Variants in COL4A1 observed in about 807,000 individuals in gnomAD.
The protein encoded by COL4A1 is collagen alpha-1(IV) chain.
A neutral mutation model predicts 216.6 loss-of-function variants in COL4A1; 40 were observed. The ratio of observed to expected loss-of-function variants is 0.18; its 90% CI spans 0.14 to 0.24. COL4A1 has a LOEUF of 0.24. Ranked by LOEUF, COL4A1 falls within the 10% of genes least tolerant of loss-of-function variation. The pLI is 1.00. For synonymous variants in COL4A1, 839 were observed against 810.7 expected (o/e 1.03, Z -0.59); for missense variants, 1,628 against 2,196.8 (o/e 0.74, Z 5.18).
intron 1 of COL4A1, among the ~76,000 whole-genome samples, chr13:110,247,970 T>C (rs192488925): frequency 1.3e-5 from 2 of 151,760 alleles, no homozygotes; most frequent in African/African-American, 2.4e-5. Context: ...TGATTTTTTT[T>C]CCTGCTTTTG....
intron 26 of COL4A1, among the ~76,000 whole-genome samples, chr13:110,184,277 G>C (rs1485482668): frequency 6.6e-6 from 1 of 152,180 alleles, no homozygotes; most frequent in Non-Finnish European, 1.5e-5. Flanking sequence ...GAGTACTCCA[G>C]TTGGTTTCTC....
intron 1 of COL4A1, among the ~76,000 whole-genome samples, chr13:110,251,110 C>A (rs1422091049): frequency 6.6e-6 from 1 of 152,182 alleles, no homozygotes; most frequent in Non-Finnish European, 1.5e-5. Context: ...CAGACAGGCA[C>A]GAAAAAAGAC....
rs763328010 is a variant in COL4A1 at position 110,188,693 on chromosome 13, C to T, written c.1537-1364G>A. ...ATGAGCGAGTAAAATCTGCCCATTA[C>T]ACAGGGGGAGAGGTGGGGCTTGAAG... On this transcript the variant is annotated intron_variant, in intron 24 of 51. Coordinates refer to ENST00000375820, the MANE Select transcript of COL4A1 (RefSeq NM_001845.6). Among the ~76,000 whole-genome samples the T allele has an allele frequency of 2.0e-5, 3 of 152,316 alleles. No individual in the cohort carries two copies. The South Asian group carries it at 6.2e-4, about 32-fold the overall frequency.
chr13:110,183,213 G>A lies in COL4A1; in HGVS notation c.1961C>T (p.Pro654Leu), dbSNP rs758315813. 25 of 1,613,744 alleles carry A rather than the reference G, an allele frequency of 1.5e-5. No homozygotes were observed. Among genetic ancestry groups the A allele is most frequent in the Admixed American group, 6.7e-5 (4 of 60,008 alleles). ...LPGPPGAEGLPGSPGFPGPQG... is the reference protein window; with the variant it reads ...LPGPPGAEGLLGSPGFPGPQG... ...GGGACCTGGGAAGCCTGGGGACCCCGGCAGTCCTTCTGCTCCAGGGGGGCC... is the reference window on the plus strand; with the variant it reads ...GGGACCTGGGAAGCCTGGGGACCCCAGCAGTCCTTCTGCTCCAGGGGGGCC... Residue 654 changes from proline to leucine, a missense_variant, in exon 27 of 52, where the codon CCG (proline) becomes CTG (leucine). Pro to Leu is a moderately conservative substitution (Grantham distance 98). Transcript: ENST00000375820.
At chr13:110,230,979 C>T (rs1439276249) in intron 2 of COL4A1, among the ~76,000 whole-genome samples, 1 of 152,214 alleles carries the variant, frequency 6.6e-6, no homozygotes, top group African/African-American at 2.4e-5. Context: ...AGGCAGAACC[C>T]AACACCTGCC....
chr13:110,253,775 TTATATA>T (rs1243478241), intron 1 of COL4A1, among the ~76,000 whole-genome samples: 29 of 128,116 alleles, frequency 2.3e-4, no homozygotes, highest in South Asian at 1.2e-3. Context: ...TATGTATGTA[TTATATA>T]TACGTATAAT....
Position 110,169,776 on chromosome 13 carries a change from A to G in COL4A1, c.3743-14T>C. 1.2e-6 allele frequency: 2 copies of G among 1,613,854 alleles called. No homozygotes were observed. Among genetic ancestry groups the G allele is most frequent in the South Asian group, 1.1e-5 (1 of 91,072 alleles). ...GTCCCGGAAGTCCTAATGGAAGAGA[A>G]GAAAGCCACACATTTGGGGTTAAAT... On this transcript the variant is annotated splice_polypyrimidine_tract_variant and intron_variant, in intron 42 of 51. Coordinates refer to ENST00000375820, the MANE Select transcript of COL4A1 (RefSeq NM_001845.6).
chr13:110,293,238 T>C (rs1043637195), intron 1 of COL4A1, among the ~76,000 whole-genome samples: 4 of 152,248 alleles, frequency 2.6e-5, no homozygotes, highest in African/African-American at 7.2e-5. Flanking sequence ...CTGTGGCACC[T>C]AGAGAAGTGT....
chr13:110,232,114 T>A (rs1169864471), intron 2 of COL4A1, among the ~76,000 whole-genome samples: 1 of 152,220 alleles, frequency 6.6e-6, no homozygotes, highest in African/African-American at 2.4e-5. Flanking sequence ...CAGATTCTCA[T>A]GTGAGGAAAT....
intron 1 of COL4A1, among the ~76,000 whole-genome samples, chr13:110,272,648 AAAG>A (rs1883286712): frequency 6.6e-6 from 1 of 152,256 alleles, no homozygotes; most frequent in Non-Finnish European, 1.5e-5. Flanking sequence ...CTACAAATGA[AAAG>A]AAGAAGAAAG....
At chr13:110,241,703 T>C (rs1881576343) in intron 2 of COL4A1, among the ~76,000 whole-genome samples, 1 of 152,216 alleles carries the variant, frequency 6.6e-6, no homozygotes, top group Non-Finnish European at 1.5e-5. Flanking sequence ...TCAGGCATAT[T>C]TTTTAAAATA....
Position 110,174,642 on chromosome 13 carries a change from G to C in COL4A1, c.3306C>G (p.Pro1102=), listed in dbSNP as rs752732736. ...ACCTACCTGGATAGCCAACACTCCC[G>C]GGAGACCCTTTAAGGCCTGGGGACC... is the stretch of plus-strand genomic sequence containing the variant. ...MPGSPGLKGS[P]GSVGYPGSPG... The change falls in exon 38 of 52, where the codon CCC becomes CCG. Residue 1102 remains proline (P), a synonymous_variant. Transcript: ENST00000375820. 2.5e-6 allele frequency: 4 copies of C among 1,613,944 alleles called. No homozygotes were observed. The highest frequency in any genetic ancestry group is 3.4e-6 in the Non-Finnish European group (4 of 1,180,006).
intron 1 of COL4A1, chr13:110,265,978 C>CGTCTGCGGTGTCGTCACTGAGAGTCCT (rs1566429675): frequency 6.6e-6 from 1 of 152,148 alleles, no homozygotes; most frequent in Non-Finnish European, 1.5e-5. Flanking sequence ...CCAGCTCAAC[C>CGTCTGCGGTGTCGTCACTGAGAGTCCT]GTCTGCGGTG....
rs560249126 is a variant in COL4A1, at chr13:110,286,559, C to T, written c.84+20385G>A. 1.2e-3 allele frequency among the ~76,000 whole-genome samples: 190 copies of T among 152,246 alleles called. 2 individuals carry two copies. The highest frequency in any genetic ancestry group is 2.1e-3 in the Non-Finnish European group (144 of 68,022). On this transcript the variant is annotated intron_variant, in intron 1 of 51. Transcript: ENST00000375820. The stretch of plus-strand genomic sequence containing the variant: ...GAAAATGGGGCTGAGGCAGTAAGAC[C>T]ACCAGCTGGGATACAGAGGAGCCGC...
intron 49 of COL4A1, among the ~76,000 whole-genome samples, chr13:110,160,529 CT>C (rs939706527): frequency 3.3e-5 from 5 of 152,140 alleles, no homozygotes; most frequent in African/African-American, 1.2e-4. Flanking sequence ...GAAGCTGTTA[CT>C]TTTTAAAAAG....
At chr13:110,219,682 A>ATATATGTATATATATGTG (rs1555307864) in intron 2 of COL4A1, among the ~76,000 whole-genome samples, 23 of 133,690 alleles carry the variant, frequency 1.7e-4, no homozygotes, top group African/African-American at 6.7e-4. Flanking sequence ...ATATATGTGT[A>ATATATGTATATATATGTG]TATATATGTA....
At position 110,307,002 on chromosome 13, in the gene COL4A1, A is replaced by T; in HGVS notation, c.26T>A (p.Leu9Gln). 5 of 1,476,274 alleles carry T rather than the reference A, an allele frequency of 3.4e-6. No individual in the cohort carries two copies. The highest frequency in any genetic ancestry group is 4.5e-6 in the Non-Finnish European group (5 of 1,119,250). The allele number at this position is 1,476,274 out of a possible 1,614,324, so 91.4% of individuals were successfully genotyped here. A position where few individuals can be genotyped will look rare whatever the true frequency, so the allele number is the denominator to read the frequency against. The change falls in exon 1 of 52, where the codon CTG becomes CAG. Residue 9 changes from leucine to glutamine, a missense_variant. This residue lies in a region of COL4A1 where 74 missense variants were observed against 61.7 expected (regional missense o/e 1.20). Transcript: ENST00000375820. The surrounding 1 kb of genome is among the most constrained non-coding windows in gnomAD (Gnocchi z 5.0). ...CAGAAGGGCGGCGGGCAGCAGCAGCAGCCAGACGCTGAGCCGGGGCCCCAT... is the reference window on the plus strand; with the variant it reads ...CAGAAGGGCGGCGGGCAGCAGCAGCTGCCAGACGCTGAGCCGGGGCCCCAT... Reference protein sequence around the residue: MGPRLSVWLLLLPAALLLH... With the variant: MGPRLSVWQLLLPAALLLH...
At chr13:110,283,947 G>GTT (rs1029467764) in intron 1 of COL4A1, among the ~76,000 whole-genome samples, 1 of 152,228 alleles carries the variant, frequency 6.6e-6, no homozygotes, top group Non-Finnish European at 1.5e-5. Flanking sequence ...GAACAGCGCT[G>GTT]TATGACAGTG....
chr13:110,245,729 G>T (rs1277932431), intron 1 of COL4A1, among the ~76,000 whole-genome samples: 1 of 152,230 alleles, frequency 6.6e-6, no homozygotes, highest in Non-Finnish European at 1.5e-5. Context: ...TGGGACTGCA[G>T]ATAAGAGGCT....
Sources: allele counts gnomAD v4.1 joint callset (sites outside exome capture counted in the v4.1 genomes callset), GRCh38; gene constraint gnomAD v4.1.1; regional missense constraint gnomAD v4.1.1; non-coding constraint Gnocchi (gnomAD v3.1); transcripts MANE v1.5; gene names NCBI Gene and HGNC (gene_info 2026-07-23, HGNC 2026-07-21).